Variants in MAN1C1 observed in about 807,000 individuals in gnomAD.
The protein encoded by MAN1C1 is mannosyl-oligosaccharide 1,2-alpha-mannosidase IC.
In MAN1C1, 49 loss-of-function variants were observed where a neutral mutation model predicts 71.5. The observed-to-expected ratio is 0.69, with a 90% CI of 0.54 to 0.87. The LOEUF is 0.87. Ranked by LOEUF, MAN1C1 falls within the 40% of genes least tolerant of loss-of-function variation. The pLI, the probability that MAN1C1 is intolerant of heterozygous loss-of-function variation, is 0.00. For synonymous variants in MAN1C1, 352 were observed against 343.7 expected (o/e 1.02, Z -0.27); for missense variants, 743 against 835.0 (o/e 0.89, Z 1.36).
At chr1:25,780,131 C>G (rs1217288214) in intron 9 of MAN1C1, among the ~76,000 whole-genome samples, 2 of 152,116 alleles carry the variant, frequency 1.3e-5, no homozygotes, top group African/African-American at 2.4e-5. Flanking sequence ...TTTCCACATG[C>G]GTGAGAGGGA....
At chr1:25,783,591 T>TCCCAGGCCCACCCTTCTTC in intron 11 of MAN1C1, 72 bp from the exon 12 acceptor site, 3 of 1,561,504 alleles carry the variant, frequency 1.9e-6, no homozygotes, top group Admixed American at 1.7e-5. Context: ...TGAGACTTGT[T>TCCCAGGCCCACCCTTCTTC]CCCAGGCCCA....
intron 1 of MAN1C1, among the ~76,000 whole-genome samples, chr1:25,636,249 C>A (rs2045458317): frequency 6.6e-6 from 1 of 152,152 alleles, no homozygotes; most frequent in Non-Finnish European, 1.5e-5. Context: ...AAGCAGAGAA[C>A]CGGTCTGACC....
intron 2 of MAN1C1, among the ~76,000 whole-genome samples, chr1:25,698,810 A>C (rs536754786): frequency 2.6e-5 from 4 of 152,034 alleles, no homozygotes; most frequent in Non-Finnish European, 5.9e-5. Context: ...TTAGCTGGGC[A>C]TGGTGGCATG....
In MAN1C1 at chr1:25,753,395, G is replaced by C. The variant is rs1194766331; in HGVS notation, c.835-89G>C. 4 of 928,072 alleles carry C rather than the reference G, an allele frequency of 4.3e-6. No homozygotes were observed. The highest frequency in any genetic ancestry group is 6.5e-6 in the Non-Finnish European group (4 of 611,046). 57.5% of individuals were successfully genotyped at this position (928,072 alleles called of 1,614,324 possible). ...CCCCCTACTCTAGACCTGCAGCCCT[G>C]GGGGGTTCATCCTGCCTGCAGCAGT... is the stretch of plus-strand genomic sequence containing the variant. On this transcript the variant is annotated intron_variant, in intron 4 of 11. Transcript: ENST00000374332. The surrounding 1 kb of genome is among the most constrained non-coding windows in gnomAD (Gnocchi z 4.9).
intron 1 of MAN1C1, among the ~76,000 whole-genome samples, chr1:25,656,884 G>C (rs1195010649): frequency 6.6e-6 from 1 of 150,686 alleles, no homozygotes; most frequent in Non-Finnish European, 1.5e-5. Context: ...GGAGTGCAGT[G>C]GCGCGATCTT....
chr1:25,756,065 T>C (rs1009853370), intron 5 of MAN1C1, among the ~76,000 whole-genome samples: 1 of 152,208 alleles, frequency 6.6e-6, no homozygotes, highest in Non-Finnish European at 1.5e-5. Flanking sequence ...ACCTCCGAAG[T>C]TGGTTGTGAA....
intron 1 of MAN1C1, among the ~76,000 whole-genome samples, chr1:25,678,264 C>T (rs139259369): frequency 4.1e-4 from 62 of 152,160 alleles, no homozygotes; most frequent in African/African-American, 1.4e-3. Flanking sequence ...TTTTTAATAC[C>T]TATTTACTAC....
At chr1:25,669,834 C>T (rs1306398843) in intron 1 of MAN1C1, among the ~76,000 whole-genome samples, 2 of 152,206 alleles carry the variant, frequency 1.3e-5, no homozygotes, top group Non-Finnish European at 2.9e-5. Context: ...CAGTTCTTAA[C>T]TGAAATCCTT....
At position 25,783,937 on chromosome 1, in the gene MAN1C1, G is replaced by A. The variant is rs1209601443; in HGVS notation, c.*148G>A. The A allele has an allele frequency of 4.3e-5, 46 of 1,065,594 alleles. No homozygotes were observed. Among genetic ancestry groups the A allele is most frequent in the Non-Finnish European group, 5.8e-5 (44 of 757,806 alleles). The allele number at this position is 1,065,594 out of a possible 1,614,324, so 66.0% of individuals were successfully genotyped here. ...TCGGACAAGCAACTTCTTTTCCTCT[G>A]TGAGGAGACAAGACTTGGAGACTCA... On this transcript the variant is annotated 3_prime_UTR_variant, in exon 12 of 12. Transcript: ENST00000374332.
chr1:25,734,871 T>A (rs1183990141), intron 2 of MAN1C1, among the ~76,000 whole-genome samples: 1 of 152,236 alleles, frequency 6.6e-6, no homozygotes, highest in South Asian at 2.1e-4. Flanking sequence ...ACAATGCCTT[T>A]GATATAAACG....
In MAN1C1 at chr1:25,725,957, C is replaced by G. The variant is rs1468527319; in HGVS notation, c.638-20711C>G. Among the ~76,000 whole-genome samples, 3 of 152,174 alleles carry G rather than the reference C, an allele frequency of 2.0e-5. No homozygotes were observed. Among genetic ancestry groups the G allele is most frequent in the Non-Finnish European group, 4.4e-5 (3 of 68,032 alleles). On this transcript the variant is annotated intron_variant, in intron 2 of 11. Transcript: ENST00000374332. This position sits in a 1 kb window ranked among gnomAD's most constrained non-coding sequence, Gnocchi z 4.8. ...CTGTGGCATGAAATGAAAGGTGAGG[C>G]TTTCATCTGAGTGAGCTGCCCAGCT...
chr1:25,740,800 G>C (rs981682340), intron 2 of MAN1C1, among the ~76,000 whole-genome samples: 4 of 152,068 alleles, frequency 2.6e-5, no homozygotes, highest in African/African-American at 7.2e-5. Flanking sequence ...GATCGGGGAA[G>C]AGGGAAGGGC....
intron 2 of MAN1C1, among the ~76,000 whole-genome samples, chr1:25,743,612 G>C (rs2047089737): frequency 6.6e-6 from 1 of 152,236 alleles, no homozygotes; most frequent in African/African-American, 2.4e-5. Flanking sequence ...GAGCCTGAGA[G>C]CAGGGGCAGG....
chr1:25,671,550 A>G (rs1202695578), intron 1 of MAN1C1, among the ~76,000 whole-genome samples: 1 of 152,152 alleles, frequency 6.6e-6, no homozygotes, highest in Non-Finnish European at 1.5e-5. Context: ...CCGTAGGAGG[A>G]TAGTGAATTC....
chr1:25,693,393 G>A (rs775384326), intron 2 of MAN1C1, among the ~76,000 whole-genome samples: 1 of 152,168 alleles, frequency 6.6e-6, no homozygotes, highest in African/African-American at 2.4e-5. Flanking sequence ...ACTTTAGGAG[G>A]CCAAGGTGGG....
intron 1 of MAN1C1, among the ~76,000 whole-genome samples, chr1:25,675,941 CCT>C (rs1352252837): frequency 1.3e-5 from 2 of 152,202 alleles, no homozygotes; most frequent in African/African-American, 4.8e-5. Flanking sequence ...CCTAGAGCAG[CCT>C]CTCAAGCTTC....
At chr1:25,770,947 G>A (rs1207146360) in intron 7 of MAN1C1, among the ~76,000 whole-genome samples, 4 of 152,210 alleles carry the variant, frequency 2.6e-5, no homozygotes, top group Admixed American at 6.5e-5. Context: ...AGTGTTTTCT[G>A]TCTTGCGTCT....
rs527817315 is a variant in MAN1C1, at chr1:25,746,141, C to G, written c.638-527C>G. Among the ~76,000 whole-genome samples, 17 of 152,130 alleles carry G rather than the reference C, an allele frequency of 1.1e-4. No individual in the cohort carries two copies. Among genetic ancestry groups the G allele is most frequent in the African/African-American group, 3.9e-4 (16 of 41,504 alleles). The stretch of plus-strand genomic sequence containing the variant: ...CCAACATGGTGAAACCCCATCTCTA[C>G]TAAAAATACAAAAATTATCTGGGCG... On this transcript the variant is annotated intron_variant, in intron 2 of 11. Coordinates refer to ENST00000374332, the MANE Select transcript of MAN1C1 (RefSeq NM_020379.4). This position sits in a 1 kb window ranked among gnomAD's most constrained non-coding sequence, Gnocchi z 4.0.
chr1:25,779,464 A>G lies in MAN1C1; in HGVS notation c.1477+1140A>G, dbSNP rs1226814442. Among the ~76,000 whole-genome samples the G allele has an allele frequency of 6.6e-6, 1 of 152,196 alleles. No homozygotes were observed. The highest frequency in any genetic ancestry group is 1.9e-4 in the East Asian group (1 of 5,194). ...GTTTCCAGGAAGTCAGAGATTCGCA[A>G]TGGGTCTTTAAAACTGGTTGTCCAT... is the stretch of plus-strand genomic sequence containing the variant. On this transcript the variant is annotated intron_variant, in intron 9 of 11. Coordinates refer to ENST00000374332, the MANE Select transcript of MAN1C1 (RefSeq NM_020379.4). This position sits in a 1 kb window ranked among gnomAD's most constrained non-coding sequence, Gnocchi z 4.6.
Sources: allele counts gnomAD v4.1 joint callset (sites outside exome capture counted in the v4.1 genomes callset), GRCh38; gene constraint gnomAD v4.1.1; non-coding constraint Gnocchi (gnomAD v3.1); transcripts MANE v1.5; gene names NCBI Gene and HGNC (gene_info 2026-07-23, HGNC 2026-07-21).